The following PPM1H variants were observed in gnomAD, a reference collection of about 807,000 sequenced individuals.
PPM1H encodes protein phosphatase 1H.
PPM1H carries 27 observed loss-of-function variants against 54.9 expected under a neutral mutation model. That is an observed-to-expected ratio of 0.49 (90% CI 0.36 to 0.68). The LOEUF (loss-of-function observed/expected upper bound fraction) is 0.68, where lower values mean the gene tolerates loss of function less well. Ranked by LOEUF, PPM1H falls within the 30% of genes least tolerant of loss-of-function variation. PPM1H has a pLI of 0.00. For missense variants in PPM1H, 596 were observed against 667.8 expected, an observed-to-expected ratio of 0.89 and a Z score of 1.19; for synonymous variants, 305 against 270.8, an observed-to-expected ratio of 1.13 and a Z score of -1.24.
At chr12:62,782,160 T>C (rs1233726508) in intron 4 of PPM1H, among the ~76,000 whole-genome samples, 2 of 152,242 alleles carry the variant, frequency 1.3e-5, no homozygotes, top group Non-Finnish European at 2.9e-5. Flanking sequence ...CTGGCACGTG[T>C]GGATAGATGA....
intron 9 of PPM1H, chr12:62,659,093 C>T: frequency 2.7e-6 from 2 of 730,248 alleles, no homozygotes; most frequent in Non-Finnish European, 5.0e-6. Context: ...TGCCATGCAA[C>T]AAATCTTACT....
At chr12:62,902,360 A>G (rs913398888) in intron 1 of PPM1H, among the ~76,000 whole-genome samples, 2 of 151,564 alleles carry the variant, frequency 1.3e-5, no homozygotes, top group African/African-American at 4.8e-5. Context: ...ACTCAAAATA[A>G]TAATAATAAT....
chr12:62,707,053 G>A (rs751415486), intron 6 of PPM1H, among the ~76,000 whole-genome samples: 12 of 152,176 alleles, frequency 7.9e-5, no homozygotes, highest in Non-Finnish European at 1.6e-4. Flanking sequence ...TAGGTGCCCA[G>A]TTTTCTATAG....
At position 62,771,045 on chromosome 12, in the gene PPM1H, G is replaced by GACACACACACACACAC. The variant is rs71086630; in HGVS notation, c.869+17165_869+17180dup. 2.1e-4 allele frequency among the ~76,000 whole-genome samples: 27 copies of GACACACACACACACAC among 129,496 alleles called. 2 individuals are homozygous for GACACACACACACACAC. The highest frequency in any genetic ancestry group is 5.4e-4 in the African/African-American group (18 of 33,456). 85.0% of individuals were successfully genotyped at this position (129,496 alleles called of 152,430 possible). The stretch of plus-strand genomic sequence containing the variant: ...CTAAGTCTTGCAGGAAAAAGAAAAA[G>GACACACACACACACAC]ACACACACACACACACACACACACA... On this transcript the variant is annotated intron_variant, in intron 4 of 9. Coordinates refer to ENST00000228705, the MANE Select transcript of PPM1H (RefSeq NM_020700.2).
intron 1 of PPM1H, among the ~76,000 whole-genome samples, chr12:62,849,347 T>C (rs1869093853): frequency 6.6e-6 from 1 of 152,216 alleles, no homozygotes; most frequent in Non-Finnish European, 1.5e-5. Flanking sequence ...CAGTTGAGCC[T>C]CCCAACAACA....
At chr12:62,677,501 TC>T (rs1233349937) in intron 8 of PPM1H, among the ~76,000 whole-genome samples, 1 of 152,166 alleles carries the variant, frequency 6.6e-6, no homozygotes, top group Non-Finnish European at 1.5e-5. Context: ...ACCACCATGT[TC>T]CCCAGTGCCC....
intron 9 of PPM1H, among the ~76,000 whole-genome samples, chr12:62,658,369 C>G (rs2075859631): frequency 6.6e-6 from 1 of 152,008 alleles, no homozygotes; most frequent in Non-Finnish European, 1.5e-5. Flanking sequence ...TTTGCCCACT[C>G]CCTTCCCCTT....
At position 62,825,708 on chromosome 12, in the gene PPM1H, G is replaced by A. The variant is rs984811773; in HGVS notation, c.411+6406C>T. On this transcript the variant is annotated intron_variant, in intron 2 of 9. Transcript: ENST00000228705. ...TAAGAACACTTGGACACAGGGTGGG[G>A]AACATCACACACAGGGGCCTGTCGC... Among the ~76,000 whole-genome samples, 21 of 152,076 alleles carry A rather than the reference G, an allele frequency of 1.4e-4. No homozygotes were observed. The East Asian group carries it at 4.1e-3, about 29-fold the overall frequency.
chr12:62,780,105 T>C (rs1315177414), intron 4 of PPM1H, among the ~76,000 whole-genome samples: 1 of 152,208 alleles, frequency 6.6e-6, no homozygotes, highest in Non-Finnish European at 1.5e-5. Flanking sequence ...CTAGCAACAG[T>C]ACTTACTATG....
At chr12:62,799,060 C>A (rs745821068) in intron 3 of PPM1H, among the ~76,000 whole-genome samples, 9 of 152,160 alleles carry the variant, frequency 5.9e-5, no homozygotes, top group Non-Finnish European at 1.0e-4. Flanking sequence ...TGGTTCTCAA[C>A]AAATATTACT....
At chr12:62,894,987 T>G (rs762298050) in intron 1 of PPM1H, among the ~76,000 whole-genome samples, 1 of 152,238 alleles carries the variant, frequency 6.6e-6, no homozygotes, top group African/African-American at 2.4e-5. Context: ...ATAGTTACTG[T>G]TAAAGTTACC....
intron 5 of PPM1H, chr12:62,720,530 A>G: frequency 2.1e-6 from 1 of 472,372 alleles, no homozygotes; most frequent in East Asian, 3.8e-5. Context: ...AACCAAATGC[A>G]TAGCTGAAGG....
chr12:62,771,450 G>T (rs1051416557), intron 4 of PPM1H, among the ~76,000 whole-genome samples: 46 of 152,162 alleles, frequency 3.0e-4, no homozygotes, highest in African/African-American at 1.1e-3. Flanking sequence ...TGGCTAAGAT[G>T]AATTATATGA....
At chr12:62,770,645 C>G (rs1309698071) in intron 4 of PPM1H, among the ~76,000 whole-genome samples, 1 of 152,004 alleles carries the variant, frequency 6.6e-6, no homozygotes, top group Non-Finnish European at 1.5e-5. Flanking sequence ...GATGACCTGC[C>G]AGCTCAGAAT....
At chr12:62,889,835 G>A (rs963136649) in intron 1 of PPM1H, among the ~76,000 whole-genome samples, 9 of 152,044 alleles carry the variant, frequency 5.9e-5, no homozygotes, top group Non-Finnish European at 1.3e-4. Flanking sequence ...AGAAAATAAC[G>A]TAGTAGAAAA....
chr12:62,801,677 C>T, intron 3 of PPM1H, 139 bp downstream of exon 3: 7 of 877,988 alleles, frequency 8.0e-6, no homozygotes, highest in Non-Finnish European at 1.2e-5. Flanking sequence ...GGAATGGAAG[C>T]CCCATTATCA....
intron 4 of PPM1H, among the ~76,000 whole-genome samples, chr12:62,774,658 T>C (rs2120660865): frequency 6.6e-6 from 1 of 152,354 alleles, no homozygotes; most frequent in East Asian, 1.9e-4. Flanking sequence ...CATCTGTCTC[T>C]GTAGTTATAC....
Position 62,666,933 on chromosome 12 carries a change from A to C in PPM1H, c.1397+245T>G, listed in dbSNP as rs148541546. 5.4e-3 allele frequency among the ~76,000 whole-genome samples: 829 copies of C among 152,206 alleles called. 8 individuals carry two copies. Among genetic ancestry groups the C allele is most frequent in the African/African-American group, 0.016 (677 of 41,530 alleles). ...TTCACCATGTTGGCCAGGCTGGTCT[A>C]GAACTCCTGACCTCATGATTCACCC... On this transcript the variant is annotated intron_variant, in intron 9 of 9. Coordinates refer to ENST00000228705, the MANE Select transcript of PPM1H (RefSeq NM_020700.2).
chr12:62,802,833 C>T (rs1453134025), intron 2 of PPM1H, among the ~76,000 whole-genome samples: 1 of 152,148 alleles, frequency 6.6e-6, no homozygotes, highest in Non-Finnish European at 1.5e-5. Flanking sequence ...ATCCACCCAC[C>T]TTGGCCTCCT....
Sources: allele counts gnomAD v4.1 joint callset (sites outside exome capture counted in the v4.1 genomes callset), GRCh38; gene constraint gnomAD v4.1.1; transcripts MANE v1.5; gene names NCBI Gene and HGNC (gene_info 2026-07-23, HGNC 2026-07-21).